WDR19: variants seen among roughly 807,000 people sequenced by gnomAD.
WDR19 encodes WD repeat-containing protein 19.
Under a neutral mutation model 180.0 loss-of-function variants are expected in WDR19, and 121 were observed. The ratio of observed to expected loss-of-function variants is 0.67; its 90% CI spans 0.58 to 0.78. The LOEUF is 0.78. Among genes scored for constraint, WDR19 ranks in the 30% least tolerant of loss-of-function variants. WDR19 has a pLI of 0.00. For missense variants in WDR19, 1,450 were observed against 1,640.7 expected (o/e 0.88, Z 2.01); for synonymous variants, 497 against 540.7 (o/e 0.92, Z 1.12).
intron 6 of WDR19, among the ~76,000 whole-genome samples, chr4:39,200,831 C>T (rs1727291252): frequency 6.6e-6 from 1 of 152,132 alleles, no homozygotes; most frequent in Non-Finnish European, 1.5e-5. Flanking sequence ...GATCGTAGGG[C>T]CCCACTCTTA....
intron 5 of WDR19, among the ~76,000 whole-genome samples, chr4:39,195,106 G>A (rs1004669570): frequency 1.3e-5 from 2 of 152,096 alleles, no homozygotes; most frequent in African/African-American, 4.8e-5. Flanking sequence ...GGTGGCTCAC[G>A]CCTGTAATCC....
Position 39,272,984 on chromosome 4 carries a change from A to G in WDR19, c.3488A>G (p.His1163Arg), listed in dbSNP as rs1735521286. The G allele has an allele frequency of 6.3e-7, 1 of 1,596,804 alleles. No individual in the cohort carries two copies. The highest frequency in any genetic ancestry group is 1.7e-5 in the Admixed American group (1 of 57,220). The change falls in exon 32 of 37, where the codon CAT becomes CGT. Residue 1163 changes from histidine (H) to arginine (R), a missense_variant. Physicochemically the swap from His to Arg is conservative, Grantham distance 29. Transcript: ENST00000399820. ...ILHSYILVKI[H>R]VKNGDHMKGA... Reference sequence around the variant, plus strand: ...AAAATATGTCATTTGTTTCAGATTCATGTTAAAAATGGAGATCACATGAAA... The same window carrying G: ...AAAATATGTCATTTGTTTCAGATTCGTGTTAAAAATGGAGATCACATGAAA...
At chr4:39,268,480 C>T (rs990320789) in intron 30 of WDR19, among the ~76,000 whole-genome samples, 1 of 152,114 alleles carries the variant, frequency 6.6e-6, no homozygotes, top group African/African-American at 2.4e-5. Context: ...GGTAATGATG[C>T]GGTGCTGTTA....
At chr4:39,211,733 A>C (rs1428359273) in intron 9 of WDR19, among the ~76,000 whole-genome samples, 1 of 152,202 alleles carries the variant, frequency 6.6e-6, no homozygotes, top group East Asian at 1.9e-4. Context: ...TCTTTGCTGA[A>C]AATTATAAAA....
chr4:39,223,289 A>C (rs1437488578), intron 14 of WDR19, among the ~76,000 whole-genome samples: 1 of 152,146 alleles, frequency 6.6e-6, no homozygotes, highest in African/African-American at 2.4e-5. Context: ...AAAGCTATTA[A>C]AAATAAGAAT....
intron 32 of WDR19, 109 bp from the exon 33 acceptor site, chr4:39,274,699 G>A: frequency 9.6e-6 from 13 of 1,352,930 alleles, no homozygotes; most frequent in Admixed American, 2.1e-5. Flanking sequence ...AAAAAGCAAA[G>A]TTCAGAGACC....
chr4:39,243,565 CA>C (rs1732192827), intron 21 of WDR19, among the ~76,000 whole-genome samples: 1 of 152,120 alleles, frequency 6.6e-6, no homozygotes, highest in Non-Finnish European at 1.5e-5. Flanking sequence ...TCTACACCGT[CA>C]AATACAGTAA....
chr4:39,213,814 T>C (rs1013425997), intron 9 of WDR19, among the ~76,000 whole-genome samples: 3 of 152,212 alleles, frequency 2.0e-5, no homozygotes, highest in Non-Finnish European at 4.4e-5. Context: ...TGTGGTATTA[T>C]ACTATAGTGT....
chr4:39,219,400 C>T (rs546859902), intron 14 of WDR19, among the ~76,000 whole-genome samples: 2 of 152,268 alleles, frequency 1.3e-5, no homozygotes, highest in South Asian at 2.1e-4. Context: ...CATAGTCCAT[C>T]GCCAACCGAA....
intron 21 of WDR19, among the ~76,000 whole-genome samples, chr4:39,242,853 A>G (rs1260004088): frequency 6.6e-6 from 1 of 152,142 alleles, no homozygotes; most frequent in Admixed American, 6.5e-5. Context: ...TATTTGGTAG[A>G]GACAGGGTTT....
At chr4:39,259,271 C>T (rs761787849) in intron 28 of WDR19, among the ~76,000 whole-genome samples, 17 of 152,260 alleles carry the variant, frequency 1.1e-4, no homozygotes, top group Non-Finnish European at 2.1e-4. Context: ...CACCATTTAT[C>T]AAAATACTAT....
intron 8 of WDR19, 57 bp from the exon 9 acceptor site, chr4:39,205,506 T>C: frequency 6.5e-7 from 1 of 1,547,440 alleles, no homozygotes; most frequent in African/African-American, 1.4e-5. Context: ...TAATTTACCA[T>C]GTTGCCACTG....
intron 36 of WDR19, among the ~76,000 whole-genome samples, chr4:39,284,307 C>CTT (rs1412142891): frequency 1.4e-4 from 21 of 146,022 alleles, no homozygotes; most frequent in Non-Finnish European, 2.7e-4. Context: ...GTTCACTGAC[C>CTT]TTTCTTCTAA....
At chr4:39,205,906 T>C in intron 9 of WDR19, 170 bp downstream of exon 9, 1 of 637,798 alleles carries the variant, frequency 1.6e-6, no homozygotes, top group South Asian at 2.5e-5. Flanking sequence ...AAACAAAGTA[T>C]AGTTGAAAAT....
chr4:39,279,525 C>T (rs1258074405), intron 36 of WDR19, among the ~76,000 whole-genome samples: 1 of 152,214 alleles, frequency 6.6e-6, no homozygotes, highest in African/African-American at 2.4e-5. Flanking sequence ...CAGCCTCCTC[C>T]TCCTGCCTCA....
intron 28 of WDR19, among the ~76,000 whole-genome samples, chr4:39,261,250 C>T (rs1270880293): frequency 6.6e-6 from 1 of 151,982 alleles, no homozygotes; most frequent in African/African-American, 2.4e-5. Flanking sequence ...CCTTGGCCTC[C>T]CAAAGTGTTG....
chr4:39,258,087 T>C (rs752212184), intron 28 of WDR19, among the ~76,000 whole-genome samples: 1 of 152,206 alleles, frequency 6.6e-6, no homozygotes, highest in African/African-American at 2.4e-5. Flanking sequence ...TGTGTCCTCT[T>C]ATGTCCAGTT....
In WDR19 at chr4:39,214,843, G is replaced by C. The variant is rs143581674; in HGVS notation, c.961+172G>C. Among the ~76,000 whole-genome samples the C allele has an allele frequency of 9.1e-3, 1,347 of 148,672 alleles. 11 individuals are homozygous for C. Among genetic ancestry groups the C allele is most frequent in the Non-Finnish European group, 0.013 (906 of 67,520 alleles). The stretch of plus-strand genomic sequence containing the variant: ...GATGGAATGCAATGGCATGATCTCT[G>C]CTCACTGCAACCTCCACCTCCCAGG... On this transcript the variant is annotated intron_variant, in intron 10 of 36. Coordinates refer to ENST00000399820, the MANE Select transcript of WDR19 (RefSeq NM_025132.4).
At chr4:39,233,150 C>T (rs892681684) in intron 19 of WDR19, among the ~76,000 whole-genome samples, 38 of 152,034 alleles carry the variant, frequency 2.5e-4, no homozygotes, top group African/African-American at 8.5e-4. Flanking sequence ...CACATTTATC[C>T]TTATTGTGTG....
Sources: gnomAD v4.1 joint callset for allele counts (sites outside exome capture counted in the v4.1 genomes callset) on GRCh38, gnomAD v4.1.1 for gene constraint, MANE v1.5 for transcripts, NCBI Gene and HGNC (gene_info 2026-07-23, HGNC 2026-07-21) for gene names.